The following HIVEP3 variants were observed in gnomAD, a reference collection of about 807,000 sequenced individuals.
HIVEP3 encodes transcription factor HIVEP3.
Under a neutral mutation model 152.8 loss-of-function variants are expected in HIVEP3, and 49 were observed. The ratio of observed to expected loss-of-function variants is 0.32; its 90% CI spans 0.26 to 0.41. The LOEUF is 0.41. Among genes scored for constraint, HIVEP3 ranks in the 10% least tolerant of loss-of-function variants. HIVEP3 has a pLI of 1.00. For missense variants in HIVEP3, 2,790 were observed against 3,103.3 expected (o/e 0.90, Z 2.40); for synonymous variants, 1,269 against 1,289.0 (o/e 0.98, Z 0.33).
intron 1 of HIVEP3, among the ~76,000 whole-genome samples, chr1:41,932,619 C>CCAGCTTTT: frequency 6.6e-6 from 1 of 151,932 alleles, no homozygotes; most frequent in East Asian, 1.9e-4. Flanking sequence ...TTTCAAAGAA[C>CCAGCTTTT]CAGCTTTTGG....
Position 41,506,619 on chromosome 1 carries a change from G to GT in HIVEP3, c.*3831dup, listed in dbSNP as rs1423426650. ...TTTTTTTTTTGTTTGTTTCTGTTTT[G>GT]TTTTTTCTTTTGCACTGATATATAC... On this transcript the variant is annotated 3_prime_UTR_variant, in exon 9 of 9. Transcript: ENST00000372583. 3.0e-5 allele frequency: 4 copies of GT among 132,658 alleles called. No individual in the cohort carries two copies. Among genetic ancestry groups the GT allele is most frequent in the African/African-American group, 8.6e-5 (3 of 35,040 alleles). The allele number at this position is 132,658 out of a possible 1,614,324, so 8.2% of individuals were successfully genotyped here.
chr1:41,801,716 C>T (rs1172601741), intron 1 of HIVEP3, among the ~76,000 whole-genome samples: 1 of 151,356 alleles, frequency 6.6e-6, no homozygotes, highest in Non-Finnish European at 1.5e-5. Flanking sequence ...TGCACTCCGG[C>T]CTGGGGCACA....
At chr1:41,540,896 GGCTGGACTCCAGGTCCAGCGGGTTTA>G (rs751880726) in intron 5 of HIVEP3, among the ~76,000 whole-genome samples, 4,572 of 152,272 alleles carry the variant, frequency 0.03, 121 homozygotes, top group Admixed American at 0.07. Context: ...GTAGGAGCTG[GGCTGGACTCCAGGTCCAGCGGGTTTA>G]GCTGGACTCT....
At chr1:41,670,527 C>T (rs1570273988) in intron 2 of HIVEP3, among the ~76,000 whole-genome samples, 1 of 152,280 alleles carries the variant, frequency 6.6e-6, no homozygotes, top group South Asian at 2.1e-4. Flanking sequence ...AAAATCTCTG[C>T]CCCATGGAAC....
intron 1 of HIVEP3, among the ~76,000 whole-genome samples, chr1:41,934,168 C>G (rs1046447814): frequency 1.3e-5 from 2 of 152,156 alleles, no homozygotes; most frequent in Non-Finnish European, 2.9e-5. Flanking sequence ...ACTCTCCCAA[C>G]CATTTTTGTG....
intron 1 of HIVEP3, among the ~76,000 whole-genome samples, chr1:41,723,709 T>C (rs1646711707): frequency 6.6e-6 from 1 of 152,172 alleles, no homozygotes; most frequent in Admixed American, 6.5e-5. Context: ...ACTAGAAGAA[T>C]GAGATAATGA....
intron 2 of HIVEP3, among the ~76,000 whole-genome samples, chr1:41,673,501 A>G (rs1455978447): frequency 6.6e-6 from 1 of 152,172 alleles, no homozygotes; most frequent in African/African-American, 2.4e-5. Context: ...TGCTCGGCTT[A>G]GCTTACAGGC....
intron 2 of HIVEP3, among the ~76,000 whole-genome samples, chr1:41,686,522 C>T (rs530074144): frequency 6.6e-6 from 1 of 152,276 alleles, no homozygotes; most frequent in African/African-American, 2.4e-5. Context: ...TTGACTTTGC[C>T]GTTGATGAGT....
chr1:41,951,852 C>T (rs569354916), intron 1 of HIVEP3, among the ~76,000 whole-genome samples: 1 of 152,286 alleles, frequency 6.6e-6, no homozygotes, highest in South Asian at 2.1e-4. Context: ...GTCCCTCCCA[C>T]AACATGTGGG....
chr1:41,730,015 G>A (rs1646814086), intron 1 of HIVEP3, among the ~76,000 whole-genome samples: 1 of 152,356 alleles, frequency 6.6e-6, no homozygotes, highest in East Asian at 1.9e-4. Context: ...GGGAAAGTGA[G>A]TCGGCCAAGG....
chr1:41,726,364 C>T (rs946659881), intron 1 of HIVEP3, among the ~76,000 whole-genome samples: 2 of 152,148 alleles, frequency 1.3e-5, no homozygotes, highest in Non-Finnish European at 2.9e-5. Context: ...CCAAATAGAA[C>T]CAGCAGGCAA....
intron 1 of HIVEP3, among the ~76,000 whole-genome samples, chr1:41,761,131 T>C (rs4660204): frequency 0.86 from 131,309 of 152,260 alleles, 59,237 homozygotes; most frequent in Non-Finnish European, 1. Flanking sequence ...GTGAAGGGGT[T>C]CTAACCAAGA....
At chr1:41,864,497 T>C (rs1643933550) in intron 1 of HIVEP3, 1 of 152,318 alleles carries the variant, frequency 6.6e-6, no homozygotes, top group Non-Finnish European at 1.5e-5. Flanking sequence ...AAATAGTTTG[T>C]CATGGGCAAC....
intron 5 of HIVEP3, among the ~76,000 whole-genome samples, chr1:41,574,959 A>AT (rs1644304947): frequency 6.6e-6 from 1 of 152,240 alleles, no homozygotes; most frequent in South Asian, 2.1e-4. Flanking sequence ...CGTTTCCCAA[A>AT]GTCAAGCATC....
Position 41,662,707 on chromosome 1 carries a change from C to T in HIVEP3, c.-720-33760G>A, listed in dbSNP as rs1240197505. On this transcript the variant is annotated intron_variant, in intron 2 of 8. Coordinates refer to ENST00000372583, the MANE Select transcript of HIVEP3 (RefSeq NM_024503.5). The surrounding 1 kb of genome is among the most constrained non-coding windows in gnomAD (Gnocchi z 7.2). ...CGTGTCACTCCGGGCGCCGCCCCTC[C>T]CTCCGCGCCCGCCCCGGCTCCGGCG... Among the ~76,000 whole-genome samples, 1 of 151,774 alleles carries T rather than the reference C, an allele frequency of 6.6e-6. No individual in the cohort carries two copies.
chr1:41,728,608 A>G (rs867705171), intron 1 of HIVEP3, among the ~76,000 whole-genome samples: 1 of 152,190 alleles, frequency 6.6e-6, no homozygotes, highest in Non-Finnish European at 1.5e-5. Context: ...CTACAGCCCC[A>G]CTGACAGTTC....
chr1:41,598,880 A>G (rs1490046768), intron 3 of HIVEP3, among the ~76,000 whole-genome samples: 1 of 151,686 alleles, frequency 6.6e-6, no homozygotes, highest in Non-Finnish European at 1.5e-5. Context: ...TAATGGCACA[A>G]TTTCAGCTCA....
At chr1:41,943,722 G>A (rs142333093) in intron 1 of HIVEP3, among the ~76,000 whole-genome samples, 242 of 152,232 alleles carry the variant, frequency 1.6e-3, no homozygotes, top group African/African-American at 4.9e-3. Flanking sequence ...AAATTAGTAC[G>A]GTTATGGCAT....
chr1:41,513,828 C>G (rs1376794637), intron 7 of HIVEP3, 78 bp from the exon 8 acceptor site: 5 of 1,250,060 alleles, frequency 4.0e-6, no homozygotes, highest in Non-Finnish European at 5.3e-6. Flanking sequence ...CTCTCTGAGC[C>G]CCAGTTTCCT....
Sources: allele counts gnomAD v4.1 joint callset (sites outside exome capture counted in the v4.1 genomes callset), GRCh38; gene constraint gnomAD v4.1.1; non-coding constraint Gnocchi (gnomAD v3.1); transcripts MANE v1.5; gene names NCBI Gene and HGNC (gene_info 2026-07-23, HGNC 2026-07-21).